The following IL1RAPL2 variants were observed in gnomAD, a reference collection of about 807,000 sequenced individuals.
IL1RAPL2 encodes the protein X-linked interleukin-1 receptor accessory protein-like 2.
A neutral mutation model predicts 44.1 loss-of-function variants in IL1RAPL2; 3 were observed. That is an observed-to-expected ratio of 0.07 (90% CI 0.03 to 0.18). The LOEUF (loss-of-function observed/expected upper bound fraction) is 0.18, where lower values mean the gene tolerates loss of function less well. IL1RAPL2 is among the 10% of genes least tolerant of loss of function. The probability of loss-of-function intolerance (pLI) is 1.00; values close to 1 mark genes in which losing one functional copy is unlikely to be tolerated. For missense variants in IL1RAPL2, 391 were observed against 496.4 expected (o/e 0.79, Z 2.02); for synonymous variants, 181 against 178.8 (o/e 1.01, Z -0.10).
intron 1 of IL1RAPL2, among the ~76,000 whole-genome samples, chrX:104,579,932 A>C (rs975728865): frequency 3.6e-5 from 4 of 110,858 alleles, no homozygotes; most frequent in Admixed American, 9.7e-5. Context: ...TGCCCTCAGC[A>C]CTATTTATAT....
At chrX:104,882,161 G>A (rs756549916) in intron 2 of IL1RAPL2, among the ~76,000 whole-genome samples, 1 of 111,762 alleles carries the variant, frequency 8.9e-6, no homozygotes, top group African/African-American at 3.2e-5. Context: ...GAAATGTGCA[G>A]ATATGATATA....
intron 2 of IL1RAPL2, among the ~76,000 whole-genome samples, chrX:104,738,374 C>T (rs191630852): frequency 7.2e-5 from 8 of 111,685 alleles, no homozygotes; most frequent in Non-Finnish European, 1.5e-4. Flanking sequence ...AGGTGGTGGT[C>T]GCTGTAAAAT....
In IL1RAPL2 at chrX:105,445,968, T is replaced by C. The variant is rs777664120; in HGVS notation, c.698-38345T>C. ...GTTGATTTTCTGTCTGGAAGCTATG[T>C]CCAGTGCTGAAAGTGAAGTGTGTAA... On this transcript the variant is annotated intron_variant, in intron 5 of 10. Coordinates refer to ENST00000372582, the MANE Select transcript of IL1RAPL2 (RefSeq NM_017416.2). 4.5e-5 allele frequency among the ~76,000 whole-genome samples: 5 copies of C among 111,721 alleles called. No homozygotes were observed. In the East Asian group the frequency reaches 1.4e-3, roughly 31 times the overall value.
intron 5 of IL1RAPL2, among the ~76,000 whole-genome samples, chrX:105,276,678 G>A (rs2034488928): frequency 8.9e-6 from 1 of 112,200 alleles, no homozygotes; most frequent in African/African-American, 3.2e-5. Context: ...AAATAAAACA[G>A]CCTGTATGCT....
chrX:104,659,883 G>T (rs764417334), intron 2 of IL1RAPL2, among the ~76,000 whole-genome samples: 32 of 111,740 alleles, frequency 2.9e-4, no homozygotes, highest in East Asian at 1.4e-3. Flanking sequence ...ATGCGGATTG[G>T]GGGGAGGTGC....
intron 2 of IL1RAPL2, among the ~76,000 whole-genome samples, chrX:104,912,072 A>G (rs1924255969): frequency 9.0e-6 from 1 of 111,017 alleles, no homozygotes; most frequent in Admixed American, 9.7e-5. Flanking sequence ...TCCTCCAATA[A>G]TCATTTTCAG....
intron 5 of IL1RAPL2, among the ~76,000 whole-genome samples, chrX:105,468,280 A>G (rs943447756): frequency 1.8e-5 from 2 of 111,845 alleles, no homozygotes; most frequent in Non-Finnish European, 3.8e-5. Flanking sequence ...AAAGGGGTGC[A>G]TATCATTTCC....
At chrX:105,698,238 C>G (rs1196605058) in intron 6 of IL1RAPL2, among the ~76,000 whole-genome samples, 1 of 111,569 alleles carries the variant, frequency 9.0e-6, no homozygotes, top group Admixed American at 9.5e-5. Flanking sequence ...GCAAAGTGCT[C>G]TTATCTTCAG....
chrX:104,651,902 C>T (rs1381420914), intron 1 of IL1RAPL2, among the ~76,000 whole-genome samples: 1 of 111,365 alleles, frequency 9.0e-6, no homozygotes, highest in East Asian at 2.8e-4. Context: ...ACTTAATGGT[C>T]TTTTCAGTCT....
At chrX:105,013,220 A>G (rs1677132670) in intron 2 of IL1RAPL2, among the ~76,000 whole-genome samples, 1 of 111,247 alleles carries the variant, frequency 9.0e-6, no homozygotes, top group Admixed American at 9.6e-5. Flanking sequence ...AGAGTCTTGG[A>G]CAACTCTGTT....
chrX:105,531,858 G>A (rs770288072), intron 6 of IL1RAPL2, among the ~76,000 whole-genome samples: 1 of 111,711 alleles, frequency 9.0e-6, no homozygotes, highest in South Asian at 3.8e-4. Flanking sequence ...CCAGCAACAG[G>A]TTCACTGTAG....
chrX:104,910,680 TG>T (rs1924208335), intron 2 of IL1RAPL2, among the ~76,000 whole-genome samples: 1 of 111,850 alleles, frequency 8.9e-6, no homozygotes, highest in East Asian at 2.8e-4. Context: ...TTGAGGTTTT[TG>T]TTTCTCTTTT....
rs770050565 is a variant in IL1RAPL2 at position 105,737,894 on chromosome X, C to T, written c.903-2652C>T. On this transcript the variant is annotated intron_variant, in intron 7 of 10. Transcript: ENST00000372582. The stretch of plus-strand genomic sequence containing the variant: ...GGAGAGAAGAGAAAAAGAGAAACTA[C>T]AACTTTAGTCAGGAAAAATAAAAAC... Among the ~76,000 whole-genome samples the T allele has an allele frequency of 2.1e-4, 23 of 111,903 alleles. 1 individual carries two copies. The South Asian group carries it at 7.4e-3, about 36-fold the overall frequency.
At position 104,834,608 on chromosome X, in the gene IL1RAPL2, G is replaced by A. The variant is rs745598244; in HGVS notation, c.82+175613G>A. On this transcript the variant is annotated intron_variant, in intron 2 of 10. Coordinates refer to ENST00000372582, the MANE Select transcript of IL1RAPL2 (RefSeq NM_017416.2). Reference sequence around the variant, plus strand: ...GTTGCTATTCTCATTCATAGCCTCTGATATAAACATTCACAAAGACTTGTT... The same window carrying A: ...GTTGCTATTCTCATTCATAGCCTCTAATATAAACATTCACAAAGACTTGTT... Among the ~76,000 whole-genome samples the A allele has an allele frequency of 3.6e-5, 4 of 112,103 alleles. No homozygotes were observed. In the Admixed American group the frequency reaches 3.8e-4, roughly 11 times the overall value.
chrX:105,130,982 C>T (rs2033020736), intron 2 of IL1RAPL2, among the ~76,000 whole-genome samples: 2 of 110,716 alleles, frequency 1.8e-5, no homozygotes, highest in African/African-American at 6.5e-5. Flanking sequence ...TGAAAAGGAC[C>T]GGAGAAACAA....
In IL1RAPL2 at chrX:105,225,664, CTTTTATTTTA is replaced by C. The variant is rs781855827; in HGVS notation, c.357-8129_357-8120del. ...CAAAGGTGTATGTATAGAAAACATA[CTTTTATTTTA>C]TTTTATTTTATTTTATTTTATTTTT... On this transcript the variant is annotated intron_variant, in intron 3 of 10. Coordinates refer to ENST00000372582, the MANE Select transcript of IL1RAPL2 (RefSeq NM_017416.2). 1.2e-3 allele frequency among the ~76,000 whole-genome samples: 120 copies of C among 100,327 alleles called. 1 individual carries two copies. Among genetic ancestry groups the C allele is most frequent in the African/African-American group, 3.8e-3 (110 of 28,896 alleles). The allele number at this position is 100,327 out of a possible 115,157, so 87.1% of individuals were successfully genotyped here.
intron 2 of IL1RAPL2, among the ~76,000 whole-genome samples, chrX:104,899,072 G>T (rs1057175410): frequency 4.5e-5 from 5 of 111,876 alleles, no homozygotes; most frequent in African/African-American, 6.5e-5. Context: ...GGAGGTTATG[G>T]TTACAGCTGA....
chrX:104,595,788 C>T (rs1024452337), intron 1 of IL1RAPL2, among the ~76,000 whole-genome samples: 4 of 111,880 alleles, frequency 3.6e-5, no homozygotes, highest in African/African-American at 1.3e-4. Flanking sequence ...CATTTTTAGG[C>T]CAGTCTCTAT....
chrX:104,973,541 C>T (rs887152342), intron 2 of IL1RAPL2, among the ~76,000 whole-genome samples: 1 of 111,970 alleles, frequency 8.9e-6, no homozygotes, highest in Non-Finnish European at 1.9e-5. Flanking sequence ...GTTACATGAA[C>T]TCACTGAGAA....
Sources: gnomAD v4.1 joint callset for allele counts (sites outside exome capture counted in the v4.1 genomes callset) on GRCh38, gnomAD v4.1.1 for gene constraint, MANE v1.5 for transcripts, NCBI Gene and HGNC (gene_info 2026-07-23, HGNC 2026-07-21) for gene names.